Variants in SORBS2 observed in about 807,000 individuals in gnomAD.
SORBS2 encodes sorbin and SH3 domain containing 2.
In SORBS2, 46 loss-of-function variants were observed where a neutral mutation model predicts 97.7. That is an observed-to-expected ratio of 0.47 (90% CI 0.37 to 0.60). The LOEUF (loss-of-function observed/expected upper bound fraction) is 0.60. SORBS2 is among the 20% of genes least tolerant of loss of function. The pLI is 0.00. For missense variants in SORBS2, 1,316 were observed against 1,282.3 expected, an observed-to-expected ratio of 1.03 and a Z score of -0.40; for synonymous variants, 476 against 473.4, an observed-to-expected ratio of 1.01 and a Z score of -0.07.
intron 1 of SORBS2, among the ~76,000 whole-genome samples, chr4:185,910,466 C>T (rs1449025177): frequency 6.6e-6 from 1 of 152,178 alleles, no homozygotes; most frequent in Non-Finnish European, 1.5e-5. Flanking sequence ...TCCTGTCCTC[C>T]CTTCTCTCTT....
chr4:185,877,216 A>G (rs1483588602), intron 1 of SORBS2, among the ~76,000 whole-genome samples: 1 of 152,230 alleles, frequency 6.6e-6, no homozygotes, highest in Non-Finnish European at 1.5e-5. Context: ...CAGAAAGACA[A>G]AACCTATTAT....
chr4:185,668,967 G>A (rs2097664935), intron 4 of SORBS2, among the ~76,000 whole-genome samples: 1 of 152,228 alleles, frequency 6.6e-6, no homozygotes, highest in South Asian at 2.1e-4. Context: ...CAAAGGACAG[G>A]GACGGTGCTT....
chr4:185,913,271 T>A (rs1373809955), intron 1 of SORBS2, among the ~76,000 whole-genome samples: 1 of 152,220 alleles, frequency 6.6e-6, no homozygotes, highest in East Asian at 1.9e-4. Flanking sequence ...CCTATCTTTT[T>A]ATGGAACAAA....
rs577721310 is a variant in SORBS2 at position 185,838,849 on chromosome 4, T to A, written c.-337-63483A>T. 1.2e-4 allele frequency among the ~76,000 whole-genome samples: 18 copies of A among 152,306 alleles called. No homozygotes were observed. In the South Asian group the frequency reaches 3.5e-3, roughly 30 times the overall value. On this transcript the variant is annotated intron_variant, in intron 1 of 20. Transcript: ENST00000284776. ...TTGACATGGAACCTCCTGTCTCTGA[T>A]AGCAGCCAAGAGGGTCAGAATCACC... is the stretch of plus-strand genomic sequence containing the variant.
At chr4:185,826,974 T>C (rs1462819510) in intron 1 of SORBS2, among the ~76,000 whole-genome samples, 1 of 150,634 alleles carries the variant, frequency 6.6e-6, no homozygotes, top group Non-Finnish European at 1.5e-5. Context: ...GTGGTTTTCC[T>C]TCTCCACTGC....
At chr4:185,677,291 C>G in intron 4 of SORBS2, 10 of 1,552,142 alleles carry the variant, frequency 6.4e-6, no homozygotes, top group Non-Finnish European at 8.7e-6. Flanking sequence ...GGGTTAGTTT[C>G]AAGGTAGAAA....
exon 10 of SORBS2, chr4:185,615,156 C>A: frequency 1.3e-6 from 2 of 1,586,052 alleles, no homozygotes; most frequent in Non-Finnish European, 1.7e-6. Flanking sequence ...TAAATGACAA[C>A]TCCCTGGAAG....
intron 1 of SORBS2, among the ~76,000 whole-genome samples, chr4:185,854,060 C>T (rs1193593125): frequency 2.6e-5 from 4 of 152,048 alleles, no homozygotes; most frequent in Non-Finnish European, 5.9e-5. Context: ...GTGTGACAAG[C>T]GTTTCTTTAA....
chr4:185,653,713 C>T (rs542815833), intron 1 of SORBS2, among the ~76,000 whole-genome samples: 8 of 152,198 alleles, frequency 5.3e-5, no homozygotes, highest in Admixed American at 3.9e-4. Context: ...AATGAATGAA[C>T]GTAGCCTATT....
chr4:185,747,866 C>T (rs957254491), intron 2 of SORBS2, among the ~76,000 whole-genome samples: 4 of 152,036 alleles, frequency 2.6e-5, no homozygotes, highest in Admixed American at 6.5e-5. Context: ...TGGAGGGCGC[C>T]GGTAATCCCA....
intron 1 of SORBS2, chr4:185,919,568 A>G (rs2099260020): frequency 1.3e-5 from 2 of 152,240 alleles, no homozygotes; most frequent in African/African-American, 4.8e-5. Context: ...TTTTGACTGT[A>G]GAGGTTTTTC....
intron 2 of SORBS2, among the ~76,000 whole-genome samples, chr4:185,768,854 T>C (rs544593272): frequency 1.3e-5 from 2 of 152,278 alleles, no homozygotes. Context: ...CAGATCAAGG[T>C]ATTGACAGCT....
intron 1 of SORBS2, chr4:185,932,929 TACTC>T (rs1371207273): frequency 2.0e-5 from 3 of 152,246 alleles, no homozygotes; most frequent in African/African-American, 7.2e-5. Context: ...AACTACTTGA[TACTC>T]ACGAGAAAAG....
chr4:185,680,940 A>G (rs2097858781), intron 2 of SORBS2, among the ~76,000 whole-genome samples: 1 of 152,138 alleles, frequency 6.6e-6, no homozygotes, highest in Non-Finnish European at 1.5e-5. Context: ...TTCCTGGGAC[A>G]CTGGGCCCAG....
intron 1 of SORBS2, chr4:185,918,144 A>C (rs775416521): frequency 1.8e-4 from 28 of 152,188 alleles, no homozygotes; most frequent in Non-Finnish European, 3.5e-4. Flanking sequence ...TTAGAAAAAA[A>C]GACAATACCT....
At chr4:185,854,064 T>C (rs2099219405) in intron 1 of SORBS2, among the ~76,000 whole-genome samples, 2 of 152,122 alleles carry the variant, frequency 1.3e-5, no homozygotes, top group African/African-American at 2.4e-5. Flanking sequence ...GACAAGCGTT[T>C]CTTTAAAGAA....
chr4:185,657,336 C>A (rs548205021), upstream of SORBS2: 764 of 1,251,460 alleles, frequency 6.1e-4, 1 homozygote, highest in Non-Finnish European at 7.8e-4. Flanking sequence ...TTATATAAGA[C>A]CCTAGGAATG....
intron 1 of SORBS2, among the ~76,000 whole-genome samples, chr4:185,940,118 G>A (rs1469836630): frequency 6.6e-6 from 1 of 152,114 alleles, no homozygotes; most frequent in Non-Finnish European, 1.5e-5. Flanking sequence ...GCATGCTTCA[G>A]AACTGGTCCA....
chr4:185,661,542 A>T (rs2097522543), upstream of SORBS2, among the ~76,000 whole-genome samples: 1 of 152,160 alleles, frequency 6.6e-6, no homozygotes, highest in African/African-American at 2.4e-5. Flanking sequence ...CAGAACCTTC[A>T]TTTAAGGGAA....
Sources: allele counts gnomAD v4.1 joint callset (sites outside exome capture counted in the v4.1 genomes callset), GRCh38; gene constraint gnomAD v4.1.1; transcripts MANE v1.5; gene names NCBI Gene and HGNC (gene_info 2026-07-23, HGNC 2026-07-21).